The following GRID2 variants were observed in gnomAD, a reference collection of about 807,000 sequenced individuals.
GRID2 encodes the protein glutamate receptor ionotropic, delta-2.
A neutral mutation model predicts 114.8 loss-of-function variants in GRID2; 33 were observed. The ratio of observed to expected loss-of-function variants is 0.29; its 90% confidence interval spans 0.22 to 0.38. GRID2 has a LOEUF of 0.38. Among genes scored for constraint, GRID2 ranks in the 10% least tolerant of loss-of-function variants. The pLI is 1.00. For synonymous variants in GRID2, 505 were observed against 449.9 expected (o/e 1.12, Z -1.55); for missense variants, 1,184 against 1,257.7 (o/e 0.94, Z 0.89).
chr4:93,312,092 T>A lies in GRID2; in HGVS notation c.1245+73602T>A, dbSNP rs561214851. 1.3e-3 allele frequency among the ~76,000 whole-genome samples: 204 copies of A among 152,282 alleles called. 1 individual carries two copies. The Middle Eastern group carries it at 0.014, about 10-fold the overall frequency. On this transcript the variant is annotated intron_variant, in intron 8 of 15. Transcript: ENST00000282020. ...ATAAGAAAAAGGTAAATACACCCTT[T>A]CATCCTCTGTGATTTCTTCCTTCCT...
At chr4:93,150,191 A>T (rs371518579) in intron 4 of GRID2, among the ~76,000 whole-genome samples, 1 of 152,176 alleles carries the variant, frequency 6.6e-6, no homozygotes, top group African/African-American at 2.4e-5. Flanking sequence ...GGGAGAGTCT[A>T]GTTGTACATA....
chr4:92,447,392 G>A (rs1163114642), intron 1 of GRID2, among the ~76,000 whole-genome samples: 1 of 152,144 alleles, frequency 6.6e-6, no homozygotes. Context: ...CAGATTGTGT[G>A]CATCTATGTA....
intron 1 of GRID2, among the ~76,000 whole-genome samples, chr4:92,362,070 T>C (rs1171995058): frequency 6.6e-6 from 1 of 151,966 alleles, no homozygotes; most frequent in African/African-American, 2.4e-5. Flanking sequence ...TCAGAGTAAT[T>C]GAACAACATA....
chr4:92,854,579 G>A (rs746509410), intron 2 of GRID2, among the ~76,000 whole-genome samples: 9 of 150,518 alleles, frequency 6.0e-5, no homozygotes, highest in Non-Finnish European at 1.2e-4. Flanking sequence ...GTGTGTGTCT[G>A]TGTTTTGAGG....
At chr4:93,225,354 A>C (rs1284810298) in intron 7 of GRID2, among the ~76,000 whole-genome samples, 1 of 152,208 alleles carries the variant, frequency 6.6e-6, no homozygotes, top group South Asian at 2.1e-4. Flanking sequence ...CCCAGAAGGC[A>C]GTTTATGTTG....
At chr4:92,496,352 AC>A (rs1378644424) in intron 1 of GRID2, among the ~76,000 whole-genome samples, 1 of 151,796 alleles carries the variant, frequency 6.6e-6, no homozygotes, top group Non-Finnish European at 1.5e-5. Context: ...GAATCTGAAA[AC>A]AAAACAAAAC....
At chr4:92,377,138 T>G (rs2110229645) in intron 1 of GRID2, among the ~76,000 whole-genome samples, 1 of 152,344 alleles carries the variant, frequency 6.6e-6, no homozygotes. Context: ...TTCTGAACTT[T>G]TATGCTCTGC....
intron 2 of GRID2, among the ~76,000 whole-genome samples, chr4:92,865,756 A>C (rs1187619335): frequency 6.6e-6 from 1 of 152,226 alleles, no homozygotes; most frequent in Non-Finnish European, 1.5e-5. Flanking sequence ...AATAAATGGG[A>C]CGACTGACTG....
intron 2 of GRID2, among the ~76,000 whole-genome samples, chr4:92,959,791 G>A (rs551999251): frequency 1.3e-5 from 2 of 152,088 alleles, no homozygotes; most frequent in East Asian, 1.9e-4. Context: ...ATTCATAAGT[G>A]GGAGATGAAC....
chr4:92,379,392 T>C (rs1052327520), intron 1 of GRID2, among the ~76,000 whole-genome samples: 7 of 152,096 alleles, frequency 4.6e-5, no homozygotes, highest in Admixed American at 4.6e-4. Flanking sequence ...AGTGCATTAC[T>C]CCCTGATAGA....
At chr4:93,073,933 A>G (rs1729037694) in intron 2 of GRID2, among the ~76,000 whole-genome samples, 1 of 152,206 alleles carries the variant, frequency 6.6e-6, no homozygotes. Context: ...GTCCGCGATA[A>G]CCTTGTGCAA....
At chr4:93,652,774 C>G in intron 14 of GRID2, among the ~76,000 whole-genome samples, 1 of 89,726 alleles carries the variant, frequency 1.1e-5, no homozygotes, top group Non-Finnish European at 2.1e-5. Flanking sequence ...ACAGTAAATG[C>G]AGTAAATGCT....
chr4:92,492,660 C>G (rs1162359489), intron 1 of GRID2, among the ~76,000 whole-genome samples: 4 of 152,074 alleles, frequency 2.6e-5, no homozygotes, highest in Admixed American at 6.6e-5. Flanking sequence ...AGTGGTATCT[C>G]TGTAAACACA....
intron 14 of GRID2, among the ~76,000 whole-genome samples, chr4:93,735,046 G>A (rs915010224): frequency 5.3e-5 from 8 of 152,026 alleles, no homozygotes; most frequent in African/African-American, 1.4e-4. Context: ...TTCATGAAAT[G>A]TTCTTGCCTG....
At chr4:93,052,075 T>C (rs1726773626) in intron 2 of GRID2, among the ~76,000 whole-genome samples, 1 of 152,076 alleles carries the variant, frequency 6.6e-6, no homozygotes, top group Non-Finnish European at 1.5e-5. Flanking sequence ...AATCAACTTA[T>C]TTTATCTGAG....
chr4:92,455,868 G>A (rs62312226), intron 1 of GRID2, among the ~76,000 whole-genome samples: 25,026 of 152,100 alleles, frequency 0.16, 2,513 homozygotes, highest in Middle Eastern at 0.25. Context: ...TGCTGCCTGC[G>A]ATTTGATTGA....
chr4:93,715,997 G>T (rs570594927), intron 14 of GRID2, among the ~76,000 whole-genome samples: 1 of 152,224 alleles, frequency 6.6e-6, no homozygotes, highest in East Asian at 1.9e-4. Flanking sequence ...GGGTATCCTT[G>T]TCTTGTGCCA....
chr4:93,155,708 T>A (rs1376670859), intron 4 of GRID2, among the ~76,000 whole-genome samples: 9 of 151,662 alleles, frequency 5.9e-5, no homozygotes, highest in Non-Finnish European at 8.8e-5. Flanking sequence ...AGCAAGTTTA[T>A]AAAATCAAAA....
chr4:92,920,021 C>A (rs1028745224), intron 2 of GRID2, among the ~76,000 whole-genome samples: 1 of 152,142 alleles, frequency 6.6e-6, no homozygotes, highest in Non-Finnish European at 1.5e-5. Flanking sequence ...CTTTATGAAT[C>A]TGGGTGCTCC....
Sources: allele counts gnomAD v4.1 joint callset (sites outside exome capture counted in the v4.1 genomes callset), GRCh38; gene constraint gnomAD v4.1.1; transcripts MANE v1.5; gene names NCBI Gene and HGNC (gene_info 2026-07-23, HGNC 2026-07-21).